The following CTNNA2 variants were observed in gnomAD, a reference collection of about 807,000 sequenced individuals.
CTNNA2 encodes the protein catenin alpha 2.
A neutral mutation model predicts 101.0 loss-of-function variants in CTNNA2; 42 were observed. The ratio of observed to expected loss-of-function variants is 0.42; its 90% confidence interval spans 0.32 to 0.54. The LOEUF is 0.54. Ranked by LOEUF, CTNNA2 falls within the 20% of genes least tolerant of loss-of-function variation. CTNNA2 has a pLI of 0.14. For missense variants in CTNNA2, 871 were observed against 1,223.1 expected (o/e 0.71, Z 4.29); for synonymous variants, 450 against 456.4 (o/e 0.99, Z 0.18).
chr2:80,376,282 G>T (rs925397430), intron 7 of CTNNA2, among the ~76,000 whole-genome samples: 3 of 151,982 alleles, frequency 2.0e-5, no homozygotes, highest in Admixed American at 2.0e-4. Flanking sequence ...TTCACACAGA[G>T]GTTTCCATCT....
Position 80,302,145 on chromosome 2 carries a change from G to T in CTNNA2, c.1057-91066G>T. ...AGATCCCCTTAAAGTTTCAGTCAAG[G>T]AGCATATCAGAGCACAGACAAGGAG... On this transcript the variant is annotated intron_variant, in intron 7 of 18. Coordinates refer to ENST00000402739, the MANE Select transcript of CTNNA2 (RefSeq NM_001282597.3). The surrounding 1 kb of genome is among the most constrained non-coding windows in gnomAD (Gnocchi z 6.4). The T allele has an allele frequency of 1.4e-6, 2 of 1,382,354 alleles. No individual in the cohort carries two copies. Among genetic ancestry groups the T allele is most frequent in the Non-Finnish European group, 1.9e-6 (2 of 1,028,576 alleles). The allele number at this position is 1,382,354 out of a possible 1,614,324, so 85.6% of individuals were successfully genotyped here. A position where few individuals can be genotyped will look rare whatever the true frequency, so the allele number is the denominator to read the frequency against.
intron 7 of CTNNA2, chr2:80,304,040 A>G: frequency 2.2e-6 from 1 of 461,002 alleles, no homozygotes; most frequent in East Asian, 3.4e-5. Context: ...GTTCACAGCC[A>G]CGGAAAGATC....
At chr2:79,413,087 C>G (rs1201678328) in intron 4 of CTNNA2, among the ~76,000 whole-genome samples, 3 of 152,068 alleles carry the variant, frequency 2.0e-5, no homozygotes, top group Admixed American at 6.6e-5. Context: ...CTCAATCCTT[C>G]CATCCCCCAA....
At chr2:80,043,035 CTTTCCTT>C (rs1696188184) in intron 7 of CTNNA2, among the ~76,000 whole-genome samples, 1 of 62,082 alleles carries the variant, frequency 1.6e-5, no homozygotes, top group East Asian at 1.0e-3. Flanking sequence ...TTCTTTCTTT[CTTTCCTT>C]CTTTCTTTCT....
At chr2:80,510,004 C>A (rs1294922783) in intron 9 of CTNNA2, among the ~76,000 whole-genome samples, 1 of 152,140 alleles carries the variant, frequency 6.6e-6, no homozygotes, top group African/African-American at 2.4e-5. Context: ...TGTTTGTTGA[C>A]CTGCATATAC....
intron 6 of CTNNA2, among the ~76,000 whole-genome samples, chr2:79,892,298 AC>A (rs1684365971): frequency 6.6e-6 from 1 of 152,150 alleles, no homozygotes; most frequent in Non-Finnish European, 1.5e-5. Flanking sequence ...GCTATGTATA[AC>A]AAAACCTCTG....
chr2:79,789,285 A>G (rs1675085451), intron 3 of CTNNA2, among the ~76,000 whole-genome samples: 1 of 152,146 alleles, frequency 6.6e-6, no homozygotes, highest in Admixed American at 6.5e-5. Context: ...GAAGAATAAC[A>G]TTGGAAAAAG....
At chr2:79,663,666 A>T (rs1223067245) in intron 2 of CTNNA2, among the ~76,000 whole-genome samples, 1 of 151,568 alleles carries the variant, frequency 6.6e-6, no homozygotes, top group African/African-American at 2.4e-5. Context: ...CTCCTGCCCC[A>T]CCTTTTATAT....
chr2:79,265,951 C>A (rs948489475), intron 2 of CTNNA2, among the ~76,000 whole-genome samples: 1 of 152,066 alleles, frequency 6.6e-6, no homozygotes, highest in Non-Finnish European at 1.5e-5. Context: ...ATTCTAGAGA[C>A]CTCAAGAGGT....
In CTNNA2 at chr2:79,851,425, G is replaced by T. The variant is rs71424896; in HGVS notation, c.299-6588G>T. Among the ~76,000 whole-genome samples, 917 of 152,312 alleles carry T rather than the reference G, an allele frequency of 6.0e-3. 5 individuals are homozygous for T. The highest frequency in any genetic ancestry group is 9.7e-3 in the Non-Finnish European group (662 of 68,030). On this transcript the variant is annotated intron_variant, in intron 3 of 18. Transcript: ENST00000402739. Reference sequence around the variant, plus strand: ...TTATGTATTTTCCTTCACAGTCTCTGTAAGTGTGTGAGCTCAATCGGGATG... The same window carrying T: ...TTATGTATTTTCCTTCACAGTCTCTTTAAGTGTGTGAGCTCAATCGGGATG...
At chr2:80,323,153 T>A (rs1011199638) in intron 7 of CTNNA2, among the ~76,000 whole-genome samples, 3 of 152,188 alleles carry the variant, frequency 2.0e-5, no homozygotes, top group Non-Finnish European at 4.4e-5. Context: ...TCTCTTCTGC[T>A]TTTCGTGTAG....
intron 7 of CTNNA2, among the ~76,000 whole-genome samples, chr2:80,273,530 G>C (rs957203997): frequency 2.0e-5 from 3 of 152,018 alleles, no homozygotes; most frequent in Admixed American, 2.0e-4. Context: ...TTAAATGACT[G>C]CCATTTCACT....
chr2:80,045,450 A>T (rs1218422925), intron 7 of CTNNA2, among the ~76,000 whole-genome samples: 1 of 152,148 alleles, frequency 6.6e-6, no homozygotes, highest in South Asian at 2.1e-4. Flanking sequence ...TAACTCTTTT[A>T]ATATTTTCCT....
At chr2:80,010,412 C>A (rs1370819982) in intron 7 of CTNNA2, among the ~76,000 whole-genome samples, 1 of 152,028 alleles carries the variant, frequency 6.6e-6, no homozygotes, top group Non-Finnish European at 1.5e-5. Context: ...CTCAAATAAT[C>A]CACCCACTTC....
At chr2:79,550,066 A>G (rs1443755280) in intron 1 of CTNNA2, among the ~76,000 whole-genome samples, 2 of 152,054 alleles carry the variant, frequency 1.3e-5, no homozygotes, top group Non-Finnish European at 2.9e-5. Context: ...TGCATTCTCC[A>G]ATCTAATTAG....
intron 7 of CTNNA2, among the ~76,000 whole-genome samples, chr2:80,184,869 C>T (rs542994611): frequency 6.6e-6 from 1 of 152,244 alleles, no homozygotes; most frequent in African/African-American, 2.4e-5. Flanking sequence ...GGCTTTATCT[C>T]ACATATTTAA....
intron 7 of CTNNA2, among the ~76,000 whole-genome samples, chr2:79,945,118 C>A (rs946588125): frequency 4.6e-5 from 7 of 152,242 alleles, no homozygotes; most frequent in Non-Finnish European, 1.0e-4. Context: ...CCTTGGCTCA[C>A]TGCAGCTTTG....
intron 3 of CTNNA2, among the ~76,000 whole-genome samples, chr2:79,849,760 A>T (rs1041461609): frequency 1.3e-5 from 2 of 152,182 alleles, no homozygotes; most frequent in African/African-American, 4.8e-5. Flanking sequence ...ATCCAACTAA[A>T]AGTTCAAACA....
intron 18 of CTNNA2, among the ~76,000 whole-genome samples, chr2:80,634,076 C>T (rs577601489): frequency 6.6e-6 from 1 of 152,252 alleles, no homozygotes; most frequent in Admixed American, 6.6e-5. Flanking sequence ...CCTTTCACGT[C>T]CTATTTCCCC....
Sources: allele counts gnomAD v4.1 joint callset (sites outside exome capture counted in the v4.1 genomes callset), GRCh38; gene constraint gnomAD v4.1.1; non-coding constraint Gnocchi (gnomAD v3.1); transcripts MANE v1.5; gene names NCBI Gene and HGNC (gene_info 2026-07-23, HGNC 2026-07-21).